The following CEP192 variants were observed in gnomAD, a reference collection of about 807,000 sequenced individuals.
CEP192 encodes centrosomal protein of 192 kDa.
In CEP192, 151 loss-of-function variants were observed where a neutral mutation model predicts 271.8. That is an observed-to-expected ratio of 0.56 (90% CI 0.49 to 0.64). The LOEUF (loss-of-function observed/expected upper bound fraction) is 0.64, where lower values mean the gene tolerates loss of function less well. Ranked by LOEUF, CEP192 falls within the 30% of genes least tolerant of loss-of-function variation. The pLI is 0.00. For missense variants in CEP192, 2,910 were observed against 3,020.5 expected (o/e 0.96, Z 0.86); for synonymous variants, 995 against 1,076.5 (o/e 0.92, Z 1.48).
intron 34 of CEP192, among the ~76,000 whole-genome samples, chr18:13,093,851 G>A (rs11080625): frequency 7.9e-5 from 12 of 152,294 alleles, no homozygotes; most frequent in African/African-American, 2.9e-4. Context: ...CCATAGATAA[G>A]GACATTAGTG....
At chr18:13,099,371 C>T (rs1373027156) in intron 36 of CEP192, 105 bp from the exon 37 acceptor site, 3 of 619,422 alleles carry the variant, frequency 4.8e-6, no homozygotes, top group Non-Finnish European at 8.3e-6. Context: ...TCTTCCTGAG[C>T]AGTGAGGAAA....
At chr18:13,002,175 G>A (rs764184568) in intron 3 of CEP192, among the ~76,000 whole-genome samples, 31 of 152,114 alleles carry the variant, frequency 2.0e-4, no homozygotes, top group Non-Finnish European at 3.7e-4. Context: ...CAGCCATTGA[G>A]TACATTTTTA....
intron 18 of CEP192, 34 bp from the exon 19 acceptor site, chr18:13,055,746 G>A: frequency 7.2e-7 from 1 of 1,379,684 alleles, no homozygotes; most frequent in Non-Finnish European, 9.9e-7. Flanking sequence ...AAGTTTATCT[G>A]TGGATTATTA....
chr18:13,005,583 G>C (rs1219454120), intron 3 of CEP192, among the ~76,000 whole-genome samples: 2 of 152,180 alleles, frequency 1.3e-5, no homozygotes, highest in Non-Finnish European at 2.9e-5. Flanking sequence ...GAAGACAGGA[G>C]GCCTGGGGAG....
At chr18:13,120,433 A>G (rs552228488) in intron 44 of CEP192, among the ~76,000 whole-genome samples, 1 of 152,348 alleles carries the variant, frequency 6.6e-6, no homozygotes, top group East Asian at 1.9e-4. Flanking sequence ...AGTGCTTGAA[A>G]TTAAGAGTCA....
chr18:13,003,451 GA>G (rs545191456), intron 3 of CEP192, among the ~76,000 whole-genome samples: 36,762 of 101,068 alleles, frequency 0.36, 5,502 homozygotes, highest in Middle Eastern at 0.45. Context: ...TCTGTCTCAA[GA>G]AAAAAAAAAA....
rs1427776049 is a variant in CEP192 at position 13,068,348 on chromosome 18, T to A, written c.4759-11T>A. On this transcript the variant is annotated splice_polypyrimidine_tract_variant and intron_variant, in intron 23 of 44. Transcript: ENST00000506447. ...TTTACATTAAGACAAATTTTTCTTTTAATTTTATAGGATCCAGAATTTCTG... is the reference window on the plus strand; with the variant it reads ...TTTACATTAAGACAAATTTTTCTTTAAATTTTATAGGATCCAGAATTTCTG... 1 of 1,610,000 alleles carries A rather than the reference T, an allele frequency of 6.2e-7. No homozygotes were observed. The highest frequency in any genetic ancestry group is 1.3e-5 in the African/African-American group (1 of 74,684).
chr18:13,099,824 A>G lies in CEP192; in HGVS notation c.6663+243A>G, dbSNP rs114608816. Among the ~76,000 whole-genome samples, 772 of 152,372 alleles carry G rather than the reference A, an allele frequency of 5.1e-3. 7 individuals are homozygous for G. The highest frequency in any genetic ancestry group is 0.018 in the African/African-American group (728 of 41,578). On this transcript the variant is annotated intron_variant, in intron 37 of 44. Transcript: ENST00000506447. ...TAGCATTTACACTGCATTAGCTATT[A>G]TAAGTACCTTAGAGATGATCTAAAG...
chr18:13,007,127 G>T (rs1364376121), intron 3 of CEP192, among the ~76,000 whole-genome samples: 2 of 152,060 alleles, frequency 1.3e-5, no homozygotes, highest in Non-Finnish European at 2.9e-5. Context: ...TTGGATTGTG[G>T]CTTTCTCTCC....
intron 30 of CEP192, among the ~76,000 whole-genome samples, chr18:13,086,595 C>T (rs565355850): frequency 2.2e-4 from 33 of 152,300 alleles, no homozygotes; most frequent in Admixed American, 1.2e-3. Context: ...GTATTGATCT[C>T]GCTAGGAGCT....
chr18:13,008,458 C>G lies in CEP192; in HGVS notation c.293C>G (p.Ser98Cys). The G allele has an allele frequency of 1.3e-6, 2 of 1,536,790 alleles. No homozygotes were observed. Among genetic ancestry groups the G allele is most frequent in the South Asian group, 1.2e-5 (1 of 81,658 alleles). The change falls in exon 4 of 45, where the codon TCT becomes TGT. Residue 98 changes from serine (S) to cysteine (C), a missense_variant and splice_region_variant. Ser to Cys is a moderately radical substitution (Grantham distance 112, BLOSUM62 -1). Transcript: ENST00000506447. ...RLQLSFQDDDSISRKKSYVES... is the reference protein window; with the variant it reads ...RLQLSFQDDDCISRKKSYVES... Reference sequence around the variant, plus strand: ...TCTTCTGTTTCCTAATAAAAAAGTTCTATCTCTAGGAAAAAGAGCTATGTG... The same window carrying G: ...TCTTCTGTTTCCTAATAAAAAAGTTGTATCTCTAGGAAAAAGAGCTATGTG...
intron 35 of CEP192, 64 bp downstream of exon 35, chr18:13,095,745 T>C: frequency 7.1e-7 from 1 of 1,415,632 alleles, no homozygotes; most frequent in Non-Finnish European, 9.8e-7. Flanking sequence ...ACTCCCATTG[T>C]GCCCATGGCC....
chr18:12,991,668 G>C (rs1033567689), intron 1 of CEP192, among the ~76,000 whole-genome samples: 12 of 152,260 alleles, frequency 7.9e-5, no homozygotes, highest in African/African-American at 2.9e-4. Context: ...TTAATTGCAC[G>C]CCTCTGTGTC....
intron 30 of CEP192, among the ~76,000 whole-genome samples, chr18:13,082,432 CTTTTTTTTTTTTTTTT>C (rs57663388): frequency 2.0e-5 from 1 of 49,918 alleles, no homozygotes; most frequent in Non-Finnish European, 3.5e-5. Context: ...GCAACCCCTG[CTTTTTTTTTTTTTTTT>C]TTTTTTTTTG....
At chr18:13,035,982 C>CA (rs2035895087) in intron 11 of CEP192, among the ~76,000 whole-genome samples, 1 of 151,708 alleles carries the variant, frequency 6.6e-6, no homozygotes, top group African/African-American at 2.4e-5. Flanking sequence ...CCATCTCTAG[C>CA]AAAAAATACA....
chr18:13,041,438 T>C (rs2036196754), intron 14 of CEP192, among the ~76,000 whole-genome samples: 3 of 152,204 alleles, frequency 2.0e-5, no homozygotes, highest in African/African-American at 4.8e-5. Context: ...GTATAAGATA[T>C]GCTGCATTCC....
intron 32 of CEP192, among the ~76,000 whole-genome samples, chr18:13,089,127 T>A (rs1173195260): frequency 6.6e-6 from 1 of 152,200 alleles, no homozygotes; most frequent in African/African-American, 2.4e-5. Flanking sequence ...TTTCCATTTT[T>A]AGCATGTTCT....
At chr18:13,100,213 TTTC>T in intron 37 of CEP192, 89 bp from the exon 38 acceptor site, 1 of 843,312 alleles carries the variant, frequency 1.2e-6, no homozygotes. Flanking sequence ...TTGTTTGGCA[TTTC>T]TTTTCTCTAC....
At chr18:13,020,087 A>C (rs140896599) in intron 9 of CEP192, among the ~76,000 whole-genome samples, 1 of 152,220 alleles carries the variant, frequency 6.6e-6, no homozygotes. Context: ...CTGGGATTAC[A>C]GGAGTGAGCC....
Sources: allele counts gnomAD v4.1 joint callset (sites outside exome capture counted in the v4.1 genomes callset), GRCh38; gene constraint gnomAD v4.1.1; transcripts MANE v1.5; gene names NCBI Gene and HGNC (gene_info 2026-07-23, HGNC 2026-07-21).